Variants in CDC42BPA observed in about 807,000 individuals in gnomAD.
CDC42BPA encodes the protein CDC42 binding protein kinase alpha, also known as serine/threonine-protein kinase MRCK alpha.
Under a neutral mutation model 223.5 loss-of-function variants are expected in CDC42BPA, and 80 were observed. The observed-to-expected ratio is 0.36, with a 90% confidence interval of 0.30 to 0.43. The LOEUF (loss-of-function observed/expected upper bound fraction) is 0.43. Ranked by LOEUF, CDC42BPA falls within the 20% of genes least tolerant of loss-of-function variation. The probability of loss-of-function intolerance (pLI) is 1.00; values close to 1 mark genes in which losing one functional copy is unlikely to be tolerated. For missense variants in CDC42BPA, 1,743 were observed against 2,099.9 expected (o/e 0.83, Z 3.32); for synonymous variants, 694 against 718.6 (o/e 0.97, Z 0.55).
At chr1:227,187,691 A>C (rs12129249) in intron 5 of CDC42BPA, among the ~76,000 whole-genome samples, 15 of 92,872 alleles carry the variant, frequency 1.6e-4, no homozygotes, top group South Asian at 4.3e-4. Context: ...CCCCCCCCCA[A>C]AAAAAAAAAA....
chr1:227,280,218 C>G (rs907111218), intron 1 of CDC42BPA, among the ~76,000 whole-genome samples: 2 of 152,128 alleles, frequency 1.3e-5, no homozygotes, highest in Non-Finnish European at 2.9e-5. Flanking sequence ...TCAGAGTTCT[C>G]TGAAAGAAGA....
chr1:227,134,328 A>G (rs1658052371), intron 10 of CDC42BPA, among the ~76,000 whole-genome samples: 2 of 152,230 alleles, frequency 1.3e-5, no homozygotes, highest in African/African-American at 4.8e-5. Context: ...CAAGTAGCTG[A>G]AAATGGCTGA....
chr1:227,265,210 C>T (rs865813234), intron 1 of CDC42BPA: 2 of 602,284 alleles, frequency 3.3e-6, no homozygotes, highest in Non-Finnish European at 6.1e-6. Flanking sequence ...TAAAAGTGCA[C>T]ACTTTGGCAT....
At chr1:227,000,116 T>C (rs1160289285) in intron 35 of CDC42BPA, among the ~76,000 whole-genome samples, 3 of 126,978 alleles carry the variant, frequency 2.4e-5, no homozygotes, top group Non-Finnish European at 3.7e-5. Context: ...ATAATAATAA[T>C]AATAATAATA....
Position 227,212,991 on chromosome 1 carries a change from T to C in CDC42BPA, c.354+145A>G, listed in dbSNP as rs1252483840. 6.0e-6 allele frequency: 3 copies of C among 496,084 alleles called. No homozygotes were observed. The African/African-American group carries it at 6.1e-5, about 10-fold the overall frequency. 30.7% of individuals were successfully genotyped at this position (496,084 alleles called of 1,614,324 possible). ...ACCTTTATCATAATTATATCACAAT[T>C]GTGTTGAATTTGTCTTTTATGCCTT... On this transcript the variant is annotated intron_variant, in intron 3 of 36. Coordinates refer to ENST00000366766, the MANE Select transcript of CDC42BPA (RefSeq NM_001394014.1).
chr1:227,013,373 T>C (rs1665579813), intron 34 of CDC42BPA, among the ~76,000 whole-genome samples: 1 of 151,950 alleles, frequency 6.6e-6, no homozygotes, highest in Admixed American at 6.6e-5. Context: ...AAAAATAAGA[T>C]ACAGATTTTT....
At chr1:227,190,311 TACTA>T (rs764976610) in intron 5 of CDC42BPA, among the ~76,000 whole-genome samples, 66 of 152,354 alleles carry the variant, frequency 4.3e-4, no homozygotes, top group Non-Finnish European at 7.9e-4. Context: ...CTATGCTACT[TACTA>T]ACTAATGTCT....
intron 1 of CDC42BPA, among the ~76,000 whole-genome samples, chr1:227,268,263 T>C (rs1398921863): frequency 1.3e-5 from 2 of 152,174 alleles, no homozygotes; most frequent in African/African-American, 4.8e-5. Flanking sequence ...TTTCACGACA[T>C]AAGGGCTGAG....
In CDC42BPA at chr1:227,209,368, C is replaced by T. The variant is rs1329136530; in HGVS notation, c.354+3768G>A. Among the ~76,000 whole-genome samples, 35 of 142,460 alleles carry T rather than the reference C, an allele frequency of 2.5e-4. 2 individuals are homozygous for T. Among genetic ancestry groups the T allele is most frequent in the Middle Eastern group, 3.4e-3 (1 of 298 alleles). The allele number at this position is 142,460 out of a possible 152,430, so 93.5% of individuals were successfully genotyped here. On this transcript the variant is annotated intron_variant, in intron 3 of 36. Coordinates refer to ENST00000366766, the MANE Select transcript of CDC42BPA (RefSeq NM_001394014.1). ...TTTATTTCCTTCTCCTGCCTAATTG[C>T]CCTGGCCAGAACTTCCAACACTATG...
chr1:227,151,128 T>G lies in CDC42BPA; in HGVS notation c.694-3569A>C, dbSNP rs574229663. ...CTAAAATTTTTTCATCTTGGAAAAT[T>G]TTAACTCTGTACCCATCAGTAATTC... On this transcript the variant is annotated intron_variant, in intron 6 of 36. Transcript: ENST00000366766. 4.7e-4 allele frequency among the ~76,000 whole-genome samples: 71 copies of G among 152,226 alleles called. 1 individual carries two copies. Among genetic ancestry groups the G allele is most frequent in the Admixed American group, 3.3e-3 (51 of 15,284 alleles).
intron 2 of CDC42BPA, among the ~76,000 whole-genome samples, chr1:227,214,301 C>A (rs1000158777): frequency 1.3e-5 from 2 of 151,500 alleles, no homozygotes; most frequent in Non-Finnish European, 2.9e-5. Flanking sequence ...AGTAACATGA[C>A]CATATAATTA....
At chr1:227,271,267 G>GAC (rs1353058883) in intron 1 of CDC42BPA, among the ~76,000 whole-genome samples, 3 of 152,108 alleles carry the variant, frequency 2.0e-5, no homozygotes, top group Non-Finnish European at 4.4e-5. Flanking sequence ...GTGAGCTAAT[G>GAC]ACACAGCTAA....
chr1:227,120,951 C>T (rs1300563694), intron 11 of CDC42BPA, among the ~76,000 whole-genome samples: 1 of 152,168 alleles, frequency 6.6e-6, no homozygotes, highest in African/African-American at 2.4e-5. Context: ...AAGAGGCATG[C>T]AACCTAGATC....
chr1:227,267,655 G>A (rs1685223624), intron 1 of CDC42BPA, among the ~76,000 whole-genome samples: 1 of 152,120 alleles, frequency 6.6e-6, no homozygotes, highest in Non-Finnish European at 1.5e-5. Flanking sequence ...CACATGGCTG[G>A]GGAGGCTTCA....
At position 227,129,217 on chromosome 1, in the gene CDC42BPA, C is replaced by T; in HGVS notation, c.1405G>A (p.Val469Ile). The T allele has an allele frequency of 6.3e-7, 1 of 1,588,428 alleles. No homozygotes were observed. Among genetic ancestry groups the T allele is most frequent in the Non-Finnish European group, 8.6e-7 (1 of 1,168,276 alleles). Residue 469 changes from valine (V) to isoleucine (I), a missense_variant, in exon 11 of 37, where the codon GTC becomes ATC. By Grantham distance (29) the Val-to-Ile change is conservative. Transcript: ENST00000366766. Reference sequence around the variant, plus strand: ...ACAGTTGAATACTGCAGAGCTTGGACAGTCTGTGTTGACTCTTTAAAAAAA... The same window carrying T: ...ACAGTTGAATACTGCAGAGCTTGGATAGTCTGTGTTGACTCTTTAAAAAAA... ...SRKLQESTQTVQALQYSTVDG... is the reference protein window; with the variant it reads ...SRKLQESTQTIQALQYSTVDG...
At chr1:227,033,628 A>T (rs932688230) in intron 26 of CDC42BPA, among the ~76,000 whole-genome samples, 2 of 152,210 alleles carry the variant, frequency 1.3e-5, no homozygotes, top group Non-Finnish European at 2.9e-5. Flanking sequence ...CAAGAGCTAG[A>T]AATCATTGCT....
chr1:227,031,793 T>TAACAAC lies in CDC42BPA; in HGVS notation c.3559-285_3559-280dup, dbSNP rs34434131. 1.7e-4 allele frequency among the ~76,000 whole-genome samples: 26 copies of TAACAAC among 151,994 alleles called. 1 individual carries two copies. Among genetic ancestry groups the TAACAAC allele is most frequent in the African/African-American group, 5.6e-4 (23 of 41,382 alleles). On this transcript the variant is annotated intron_variant, in intron 27 of 36. Coordinates refer to ENST00000366766, the MANE Select transcript of CDC42BPA (RefSeq NM_001394014.1). Reference sequence around the variant, plus strand: ...TATCACTAAAGAGGCATTAAATATATAACAACAACAACAACAACTGACATT... The same window carrying TAACAAC: ...TATCACTAAAGAGGCATTAAATATATAACAACAACAACAACAACAACAACTGACATT...
chr1:227,305,954 A>C (rs552981647), intron 1 of CDC42BPA, among the ~76,000 whole-genome samples: 27 of 152,352 alleles, frequency 1.8e-4, no homozygotes, highest in African/African-American at 6.0e-4. Flanking sequence ...TGACAGAGCG[A>C]GACTCCATCT....
At position 227,317,435 on chromosome 1, in the gene CDC42BPA, AAAG is replaced by A; in HGVS notation, c.-256_-254del. The A allele has an allele frequency of 2.4e-6, 1 of 408,674 alleles. No homozygotes were observed. Among genetic ancestry groups the A allele is most frequent in the Non-Finnish European group, 4.3e-6 (1 of 233,390 alleles). The allele number at this position is 408,674 out of a possible 1,614,324, so 25.3% of individuals were successfully genotyped here. A position where few individuals can be genotyped will look rare whatever the true frequency, so the allele number is the denominator to read the frequency against. On this transcript the variant is annotated 5_prime_UTR_variant, in exon 1 of 37. Coordinates refer to ENST00000366766, the MANE Select transcript of CDC42BPA (RefSeq NM_001394014.1). ...AAAATATATACTTAATGCATTTTTA[AAAG>A]AATACAATTAAGTCGTATATTTAAA...
Sources: gnomAD v4.1 joint callset for allele counts (sites outside exome capture counted in the v4.1 genomes callset) on GRCh38, gnomAD v4.1.1 for gene constraint, MANE v1.5 for transcripts, NCBI Gene and HGNC (gene_info 2026-07-23, HGNC 2026-07-21) for gene names.